Variants in ICA1L observed in about 807,000 individuals in gnomAD.
ICA1L encodes islet cell autoantigen 1-like protein.
A neutral mutation model predicts 61.3 loss-of-function variants in ICA1L; 50 were observed. The ratio of observed to expected loss-of-function variants is 0.82; its 90% CI spans 0.65 to 1.03. The LOEUF (loss-of-function observed/expected upper bound fraction) is 1.03, where lower values mean the gene tolerates loss of function less well. Among genes scored for constraint, ICA1L ranks in the 50% least tolerant of loss-of-function variants. The probability of loss-of-function intolerance (pLI) is 0.00; values close to 1 mark genes in which losing one functional copy is unlikely to be tolerated. For missense variants in ICA1L, 508 were observed against 556.7 expected (o/e 0.91, Z 0.88); for synonymous variants, 161 against 191.3 (o/e 0.84, Z 1.31).
chr2:202,820,750 T>G (rs751593240), intron 4 of ICA1L, among the ~76,000 whole-genome samples: 1 of 152,192 alleles, frequency 6.6e-6, no homozygotes, highest in African/African-American at 2.4e-5. Flanking sequence ...TCCTTCAAGA[T>G]AGACTTTTGC....
intron 2 of ICA1L, 142 bp downstream of exon 2, chr2:202,828,706 G>A (rs1693917024): frequency 1.4e-6 from 1 of 720,532 alleles, no homozygotes; most frequent in Non-Finnish European, 2.2e-6. Context: ...AGCTCTGATT[G>A]ACAGATGGAT....
intron 1 of ICA1L, among the ~76,000 whole-genome samples, chr2:202,857,463 A>T (rs2105886171): frequency 6.6e-6 from 1 of 152,324 alleles, no homozygotes; most frequent in South Asian, 2.1e-4. Flanking sequence ...CACACCTTAT[A>T]TAAAAATTAA....
At chr2:202,817,916 A>T (rs938646568) in intron 5 of ICA1L, among the ~76,000 whole-genome samples, 4 of 152,254 alleles carry the variant, frequency 2.6e-5, no homozygotes, top group Non-Finnish European at 5.9e-5. Context: ...ACTGAGAAAC[A>T]TTAATAATAT....
chr2:202,833,823 A>T (rs1014197667), intron 1 of ICA1L, among the ~76,000 whole-genome samples: 12 of 152,218 alleles, frequency 7.9e-5, no homozygotes, highest in African/African-American at 2.9e-4. Flanking sequence ...ATAAATCTGA[A>T]AGACAAATAC....
intron 11 of ICA1L, among the ~76,000 whole-genome samples, chr2:202,786,261 T>C (rs1692575564): frequency 6.6e-6 from 1 of 152,194 alleles, no homozygotes; most frequent in African/African-American, 2.4e-5. Flanking sequence ...TAAAAAATAA[T>C]TGAGGCCGGG....
At chr2:202,857,919 G>C (rs1269826585) in intron 1 of ICA1L, among the ~76,000 whole-genome samples, 2 of 152,154 alleles carry the variant, frequency 1.3e-5, no homozygotes, top group African/African-American at 4.8e-5. Flanking sequence ...ACCACAGTGA[G>C]ATACCATCTC....
In ICA1L at chr2:202,819,706, T is replaced by TAAACTTTTCC; in HGVS notation, c.543_552dup (p.Arg185GlyfsTer4). On this transcript the variant is annotated frameshift_variant, in exon 5 of 13. Coordinates refer to ENST00000358299, the MANE Select transcript of ICA1L (RefSeq NM_001288622.3). LOFTEE classifies it high-confidence loss of function. ...AAAGGGATACGTTTTCATACTTTTC[T>TAAACTTTTCC]AAACTTTTCCATTTGCTTTAAGGTG... is the stretch of plus-strand genomic sequence containing the variant. 6.2e-7 allele frequency: 1 copy of TAAACTTTTCC among 1,612,814 alleles called. No individual in the cohort carries two copies. Among genetic ancestry groups the TAAACTTTTCC allele is most frequent in the South Asian group, 1.1e-5 (1 of 91,036 alleles).
intron 3 of ICA1L, 78 bp downstream of exon 3, chr2:202,825,617 C>T: frequency 7.5e-7 from 1 of 1,334,866 alleles, no homozygotes; most frequent in Non-Finnish European, 1.0e-6. Context: ...ATTGTTTTTA[C>T]ATTAAATCTT....
chr2:202,787,107 C>T (rs1382087303), intron 11 of ICA1L, among the ~76,000 whole-genome samples: 4 of 152,148 alleles, frequency 2.6e-5, no homozygotes, highest in Non-Finnish European at 5.9e-5. Flanking sequence ...AAAGGAAAGA[C>T]TGGTAAAGTC....
chr2:202,796,508 TTAAA>T (rs1220874293), intron 10 of ICA1L, among the ~76,000 whole-genome samples: 6 of 152,246 alleles, frequency 3.9e-5, no homozygotes, highest in African/African-American at 1.4e-4. Flanking sequence ...CTTTTGTTTC[TTAAA>T]TAGTGATTTT....
At chr2:202,830,508 T>A (rs1233918299) in intron 1 of ICA1L, among the ~76,000 whole-genome samples, 1 of 152,216 alleles carries the variant, frequency 6.6e-6, no homozygotes, top group Admixed American at 6.5e-5. Context: ...TCTTTAAGGA[T>A]ATGTAAAAAG....
Position 202,864,036 on chromosome 2 carries a change from A to C in ICA1L, c.-8+7583T>G, listed in dbSNP as rs182105406. 4.6e-5 allele frequency among the ~76,000 whole-genome samples: 7 copies of C among 152,340 alleles called. No individual in the cohort carries two copies. In the East Asian group the frequency reaches 1.4e-3, roughly 29 times the overall value. On this transcript the variant is annotated intron_variant, in intron 1 of 12. Transcript: ENST00000358299. The stretch of plus-strand genomic sequence containing the variant: ...TTATACTCATTTTAAAAAGTGAATA[A>C]ATAATTGTTTAAATCCCATGAAAAC...
intron 9 of ICA1L, among the ~76,000 whole-genome samples, chr2:202,804,982 A>G (rs1476197195): frequency 3.3e-5 from 5 of 152,260 alleles, no homozygotes; most frequent in Non-Finnish European, 7.3e-5. Context: ...GATAATGAAA[A>G]TACTATATAT....
intron 5 of ICA1L, among the ~76,000 whole-genome samples, chr2:202,818,099 T>C (rs932896077): frequency 2.0e-5 from 3 of 152,204 alleles, no homozygotes; most frequent in Admixed American, 1.3e-4. Flanking sequence ...CACTGAGATA[T>C]TGTGGTGAAC....
Position 202,773,461 on chromosome 2 carries a change from T to G in ICA1L, c.*6072A>C. ...ATAAGAAGTAGTCATCACATGTCAA[T>G]TAGGGATGTTTATCTCCAACAAGAC... On this transcript the variant is annotated 3_prime_UTR_variant, in exon 13 of 13. Transcript: ENST00000358299. The G allele has an allele frequency of 8.7e-6, 2 of 230,790 alleles. No homozygotes were observed. The highest frequency in any genetic ancestry group is 1.7e-5 in the Non-Finnish European group (2 of 117,348). 14.3% of individuals were successfully genotyped at this position (230,790 alleles called of 1,614,324 possible).
At chr2:202,847,522 T>C (rs1278993296) in intron 1 of ICA1L, among the ~76,000 whole-genome samples, 2 of 152,000 alleles carry the variant, frequency 1.3e-5, no homozygotes, top group South Asian at 2.1e-4. Flanking sequence ...TAATCTCTCT[T>C]TTAGTTTCCT....
intron 1 of ICA1L, among the ~76,000 whole-genome samples, chr2:202,848,019 GAACTA>G (rs1694514091): frequency 6.6e-6 from 1 of 152,158 alleles, no homozygotes; most frequent in African/African-American, 2.4e-5. Context: ...TTTTAAGTGG[GAACTA>G]AACATTGAGT....
intron 12 of ICA1L, among the ~76,000 whole-genome samples, chr2:202,784,428 C>CT (rs1301496369): frequency 6.6e-6 from 1 of 151,700 alleles, no homozygotes; most frequent in African/African-American, 2.4e-5. Flanking sequence ...CTGGGCGACT[C>CT]TGTCTCCAAA....
intron 1 of ICA1L, among the ~76,000 whole-genome samples, chr2:202,837,288 TTTTG>T (rs1404509056): frequency 6.6e-6 from 1 of 152,042 alleles, no homozygotes; most frequent in African/African-American, 2.4e-5. Flanking sequence ...TGTTGTTTTT[TTTTG>T]TTTTTGTTTT....
Sources: gnomAD v4.1 joint callset for allele counts (sites outside exome capture counted in the v4.1 genomes callset) on GRCh38, gnomAD v4.1.1 for gene constraint, MANE v1.5 for transcripts, NCBI Gene and HGNC (gene_info 2026-07-23, HGNC 2026-07-21) for gene names.